The following KLHL5 variants were observed in gnomAD, a reference collection of about 807,000 sequenced individuals.
KLHL5 encodes kelch-like protein 5.
KLHL5 carries 48 observed loss-of-function variants against 77.7 expected under a neutral mutation model. That is an observed-to-expected ratio of 0.62 (90% confidence interval 0.49 to 0.79). The LOEUF is 0.79. Ranked by LOEUF, KLHL5 falls within the 30% of genes least tolerant of loss-of-function variation. The pLI, the probability that KLHL5 is intolerant of heterozygous loss-of-function variation, is 0.00. For missense variants in KLHL5, 723 were observed against 859.7 expected, an observed-to-expected ratio of 0.84 and a Z score of 1.99; for synonymous variants, 260 against 297.0, an observed-to-expected ratio of 0.88 and a Z score of 1.28.
chr4:39,045,324 C>T (rs888074308), intron 1 of KLHL5, among the ~76,000 whole-genome samples: 3 of 150,956 alleles, frequency 2.0e-5, no homozygotes, highest in South Asian at 2.1e-4. Context: ...CCGGCCTCCC[C>T]GCTGCGCACC....
At chr4:39,141,304 C>CTTTTTTTTTTTTT in the KLHL5 span, among the ~76,000 whole-genome samples, 19 of 75,628 alleles carry the variant, frequency 2.5e-4, no homozygotes, top group East Asian at 4.1e-4. Flanking sequence ...ATTTTTTAGT[C>CTTTTTTTTTTTTT]TTTTTTTTTT....
chr4:39,046,545 T>G (rs1716206343), intron 1 of KLHL5, among the ~76,000 whole-genome samples: 1 of 152,064 alleles, frequency 6.6e-6, no homozygotes, highest in Non-Finnish European at 1.5e-5. Context: ...GCTCAGGGGT[T>G]CAAGACCAGC....
At chr4:39,128,939 A>C (rs1030368029), downstream of KLHL5, among the ~76,000 whole-genome samples, 3 of 152,128 alleles carry the variant, frequency 2.0e-5, no homozygotes, top group African/African-American at 7.2e-5. Flanking sequence ...TGACAGAGTG[A>C]GACCTTGCCT....
chr4:39,084,220 G>A (rs2109394353), intron 4 of KLHL5, among the ~76,000 whole-genome samples: 1 of 152,250 alleles, frequency 6.6e-6, no homozygotes, highest in Non-Finnish European at 1.5e-5. Context: ...AGTGAATGGT[G>A]CGTGGACTGG....
intron 7 of KLHL5, among the ~76,000 whole-genome samples, chr4:39,107,192 T>G (rs1452112752): frequency 6.6e-6 from 1 of 151,820 alleles, no homozygotes; most frequent in Non-Finnish European, 1.5e-5. Flanking sequence ...GGATTACAGG[T>G]GCCCGCCACC....
At chr4:39,130,768 G>A (rs531598404), downstream of KLHL5, among the ~76,000 whole-genome samples, 4 of 152,050 alleles carry the variant, frequency 2.6e-5, no homozygotes, top group South Asian at 2.1e-4. Flanking sequence ...GTTATTCCAC[G>A]AGCAAACTTT....
In KLHL5 at chr4:39,062,563, G is replaced by A. The variant is rs745841197; in HGVS notation, c.-90G>A. 2 of 1,613,514 alleles carry A rather than the reference G, an allele frequency of 1.2e-6. No homozygotes were observed. Among genetic ancestry groups the A allele is most frequent in the South Asian group, 2.2e-5 (2 of 91,070 alleles). On this transcript the variant is annotated 5_prime_UTR_variant, in exon 1 of 11. Coordinates refer to ENST00000504108, the MANE Select transcript of KLHL5 (RefSeq NM_015990.5). ...ACATATTTTTGTTGTGTACAGCAGG[G>A]CATATACTTCTCTTGTCTTGGTTGG...
In KLHL5 at chr4:39,123,267, T is replaced by C. The variant is rs1417770991; in HGVS notation, c.*2201T>C. Among the ~76,000 whole-genome samples, 2 of 152,228 alleles carry C rather than the reference T, an allele frequency of 1.3e-5. No homozygotes were observed. Among genetic ancestry groups the C allele is most frequent in the East Asian group, 3.8e-4 (2 of 5,206 alleles). ...AAAGTCCAGGACTAAATGAGTTTAC[T>C]GGCAAACTATGCCAAACATATAAAG... On this transcript the variant is annotated 3_prime_UTR_variant, in exon 11 of 11. Transcript: ENST00000504108.
At chr4:39,143,076 A>C in the KLHL5 span, among the ~76,000 whole-genome samples, 1 of 152,122 alleles carries the variant, frequency 6.6e-6, no homozygotes, top group African/African-American at 2.4e-5. Flanking sequence ...TAACTGGTGA[A>C]ATCTGATTAA....
Position 39,103,444 on chromosome 4 carries a change from G to T in KLHL5, c.1458G>T (p.Glu486Asp). ...GACTGAAGACTTTGAATACTGTAGA[G>T]TGCTACAACCCCAAAACAAAAACTT... ...RDGLKTLNTV[E>D]CYNPKTKTWS... is the part of the protein sequence containing the mutation. Residue 486 changes from glutamate (E) to aspartate (D), a missense_variant, in exon 7 of 11, where the codon GAG (glutamate) becomes GAT (aspartate). Physicochemically the swap from Glu to Asp is conservative, Grantham distance 45. Coordinates refer to ENST00000504108, the MANE Select transcript of KLHL5 (RefSeq NM_015990.5). The T allele has an allele frequency of 1.2e-6, 2 of 1,614,174 alleles. No individual in the cohort carries two copies. The highest frequency in any genetic ancestry group is 2.7e-5 in the African/African-American group (2 of 75,038).
chr4:39,081,139 C>T lies in KLHL5; in HGVS notation c.603C>T (p.Ala201=). 6.2e-7 allele frequency: 1 copy of T among 1,612,224 alleles called. No individual in the cohort carries two copies. The highest frequency in any genetic ancestry group is 1.1e-5 in the South Asian group (1 of 90,888). ...CCTCTGTCTCAGACTATTTTGCTGC[C>T]ATGTTTACTAATGATGTCAGAGAGG... ...VLSSVSDYFA[A]MFTNDVREAR... is the part of the protein sequence containing the mutation. Residue 201 remains alanine, a synonymous_variant, in exon 3 of 11, where the codon GCC becomes GCT. Coordinates refer to ENST00000504108, the MANE Select transcript of KLHL5 (RefSeq NM_015990.5). The surrounding 1 kb of genome is among the most constrained non-coding windows in gnomAD (Gnocchi z 4.3).
intron 2 of KLHL5, among the ~76,000 whole-genome samples, chr4:39,079,229 C>T (rs763646963): frequency 2.0e-5 from 3 of 152,210 alleles, no homozygotes; most frequent in Non-Finnish European, 4.4e-5. Flanking sequence ...TTTGCCCCTA[C>T]ATTCTGTTTT....
At chr4:39,045,090 C>A (rs1418923019) in exon 1 of KLHL5, 1 of 986,984 alleles carries the variant, frequency 1.0e-6, no homozygotes, top group South Asian at 4.5e-5. Flanking sequence ...CTCCGGAGCC[C>A]GACGCGGTAA....
At chr4:39,050,366 A>C (rs1234386323) in intron 1 of KLHL5, among the ~76,000 whole-genome samples, 3 of 152,246 alleles carry the variant, frequency 2.0e-5, no homozygotes, top group Non-Finnish European at 4.4e-5. Context: ...TCAGAGTCCA[A>C]GGGCAAGAAG....
In KLHL5 at chr4:39,062,907, A is replaced by T; in HGVS notation, c.255A>T (p.Ala85=). 6.2e-7 allele frequency: 1 copy of T among 1,614,196 alleles called. No homozygotes were observed. Among genetic ancestry groups the T allele is most frequent in the Non-Finnish European group, 8.5e-7 (1 of 1,180,020 alleles). Residue 85 remains alanine (A), a synonymous_variant, in exon 1 of 11, where the codon GCA becomes GCT. Transcript: ENST00000504108. Reference sequence around the variant, plus strand: ...AGAATTCACCTTCTTGGCCAATGGCATCCACCTCTGAAGTCCCTGCATTTG... The same window carrying T: ...AGAATTCACCTTCTTGGCCAATGGCTTCCACCTCTGAAGTCCCTGCATTTG... ...DFQNSPSWPM[A]STSEVPAFEF... is the part of the protein sequence containing the mutation.
rs1289985613 is a variant in KLHL5 at position 39,101,899 on chromosome 4, T to TAC, written c.1301-1376_1301-1375dup. On this transcript the variant is annotated intron_variant, in intron 6 of 10. Coordinates refer to ENST00000504108, the MANE Select transcript of KLHL5 (RefSeq NM_015990.5). The stretch of plus-strand genomic sequence containing the variant: ...ATATACACACACACACACACACATA[T>TAC]ACACACACACACATATATATATACA... 3.7e-4 allele frequency among the ~76,000 whole-genome samples: 51 copies of TAC among 139,112 alleles called. 1 individual carries two copies. The South Asian group carries it at 8.1e-3, about 22-fold the overall frequency. 91.3% of individuals were successfully genotyped at this position (139,112 alleles called of 152,430 possible). A position where few individuals can be genotyped will look rare whatever the true frequency, so the allele number is the denominator to read the frequency against.
chr4:39,060,135 TC>T (rs1174393259), upstream of KLHL5, among the ~76,000 whole-genome samples: 1 of 152,186 alleles, frequency 6.6e-6, no homozygotes, highest in African/African-American at 2.4e-5. Flanking sequence ...AATTTATATT[TC>T]CATGTATATA....
At chr4:39,096,614 G>C (rs1007895352) in intron 5 of KLHL5, 78 bp from the exon 6 acceptor site, 1 of 975,166 alleles carries the variant, frequency 1.0e-6, no homozygotes. Flanking sequence ...AAATCCATTT[G>C]AGAACTATGT....
At chr4:39,140,024 C>T in the KLHL5 span, among the ~76,000 whole-genome samples, 2 of 152,188 alleles carry the variant, frequency 1.3e-5, no homozygotes, top group South Asian at 4.1e-4. Context: ...CTCAGGAGTT[C>T]GAGACCAGCC....
Sources: allele counts gnomAD v4.1 joint callset (sites outside exome capture counted in the v4.1 genomes callset), GRCh38; gene constraint gnomAD v4.1.1; non-coding constraint Gnocchi (gnomAD v3.1); transcripts MANE v1.5; gene names NCBI Gene and HGNC (gene_info 2026-07-23, HGNC 2026-07-21).